LARGE1: variants seen among roughly 807,000 people sequenced by gnomAD.
The protein encoded by LARGE1 is xylosyl- and glucuronyltransferase LARGE1.
Under a neutral mutation model 87.6 loss-of-function variants are expected in LARGE1, and 43 were observed. The observed-to-expected ratio is 0.49, with a 90% CI of 0.38 to 0.63. LARGE1 has a LOEUF of 0.63. LARGE1 is among the 30% of genes least tolerant of loss of function. The pLI is 0.00. For synonymous variants in LARGE1, 434 were observed against 394.6 expected, an observed-to-expected ratio of 1.10 and a Z score of -1.18; for missense variants, 802 against 1,000.2, an observed-to-expected ratio of 0.80 and a Z score of 2.67.
chr22:33,841,091 AG>A (rs1196521889), intron 1 of LARGE1, among the ~76,000 whole-genome samples: 7 of 152,236 alleles, frequency 4.6e-5, no homozygotes, highest in Non-Finnish European at 1.5e-5. Flanking sequence ...AGCATGTTTA[AG>A]GCAGGCTAAG....
rs10590542 is a variant in LARGE1 at position 33,570,646 on chromosome 22, CAAAAAAAAAAAAA to C, written c.616-5640_616-5628del. Reference sequence around the variant, plus strand: ...CTGGCAATGGAGCGAGACTCCATTTCAAAAAAAAAAAAAAAAAAAAAAAATCACAAGCTGAAAT... The same window carrying C: ...CTGGCAATGGAGCGAGACTCCATTTCAAAAAAAAAAATCACAAGCTGAAAT... On this transcript the variant is annotated intron_variant, in intron 5 of 14. Coordinates refer to ENST00000397394, the MANE Select transcript of LARGE1 (RefSeq NM_133642.5). Among the ~76,000 whole-genome samples, 24 of 80,898 alleles carry C rather than the reference CAAAAAAAAAAAAA, an allele frequency of 3.0e-4. 2 individuals are homozygous for C. In the Admixed American group the frequency reaches 3.2e-3, roughly 11 times the overall value. The allele number at this position is 80,898 out of a possible 152,430, so 53.1% of individuals were successfully genotyped here. A position where few individuals can be genotyped will look rare whatever the true frequency, so the allele number is the denominator to read the frequency against.
chr22:33,816,025 A>G (rs187385149), intron 1 of LARGE1, among the ~76,000 whole-genome samples: 264 of 152,266 alleles, frequency 1.7e-3, no homozygotes, highest in Non-Finnish European at 2.0e-3. Flanking sequence ...TTCGCATTCA[A>G]TGTTGTCATT....
At chr22:33,832,980 C>T (rs1315707376) in intron 1 of LARGE1, among the ~76,000 whole-genome samples, 1 of 152,196 alleles carries the variant, frequency 6.6e-6, no homozygotes, top group East Asian at 1.9e-4. Context: ...TAAACACAGG[C>T]CACAGTGATT....
intron 6 of LARGE1, among the ~76,000 whole-genome samples, chr22:33,486,974 T>C (rs2069613343): frequency 6.6e-6 from 1 of 152,226 alleles, no homozygotes; most frequent in Admixed American, 6.5e-5. Context: ...CTGTGACTTT[T>C]ATCAAAAGGC....
intron 1 of LARGE1, among the ~76,000 whole-genome samples, chr22:33,827,036 A>C (rs977698119): frequency 1.3e-5 from 2 of 151,974 alleles, no homozygotes; most frequent in Non-Finnish European, 2.9e-5. Flanking sequence ...AACAAAAGCT[A>C]CTTTTATCAA....
chr22:33,872,901 G>A (rs973096438), intron 1 of LARGE1, among the ~76,000 whole-genome samples: 57 of 152,140 alleles, frequency 3.7e-4, no homozygotes, highest in Admixed American at 1.0e-3. Context: ...TCGGGAGGCT[G>A]AGGCAGGAGA....
chr22:33,090,864 A>T, the LARGE1 span, among the ~76,000 whole-genome samples: 1 of 152,154 alleles, frequency 6.6e-6, no homozygotes, highest in African/African-American at 2.4e-5. Context: ...TTGGTACCAT[A>T]TAGTCAATTT....
the LARGE1 span, among the ~76,000 whole-genome samples, chr22:33,101,957 T>G: frequency 1.3e-5 from 2 of 152,220 alleles, no homozygotes; most frequent in Non-Finnish European, 2.9e-5. Context: ...GTTTTATTCC[T>G]TTCAATTTCC....
intron 2 of LARGE1, among the ~76,000 whole-genome samples, chr22:33,718,373 C>A (rs866150566): frequency 3.3e-5 from 5 of 152,216 alleles, no homozygotes; most frequent in Non-Finnish European, 5.9e-5. Flanking sequence ...ATGAGAGGAA[C>A]TAGATTGGAC....
At chr22:33,779,391 G>A (rs978932297) in intron 1 of LARGE1, among the ~76,000 whole-genome samples, 16 of 144,916 alleles carry the variant, frequency 1.1e-4, no homozygotes, top group Non-Finnish European at 1.4e-4. Flanking sequence ...ACACACAATA[G>A]TACAGAGTGG....
chr22:33,571,396 G>A (rs1213499216), intron 5 of LARGE1, among the ~76,000 whole-genome samples: 4 of 152,212 alleles, frequency 2.6e-5, no homozygotes, highest in African/African-American at 7.2e-5. Flanking sequence ...CAGATTAGCA[G>A]TATGAGCATG....
At position 33,706,738 on chromosome 22, in the gene LARGE1, G is replaced by A. The variant is rs906458347; in HGVS notation, c.106+54633C>T. 5.9e-5 allele frequency among the ~76,000 whole-genome samples: 9 copies of A among 152,266 alleles called. 2 individuals are homozygous for A. Among genetic ancestry groups the A allele is most frequent in the Admixed American group, 6.5e-5 (1 of 15,294 alleles). On this transcript the variant is annotated intron_variant, in intron 2 of 14. Transcript: ENST00000397394. ...ACCTACCTTCTTAGAAGTTCTTTTC[G>A]TCAAAAGACAGAGACACATAAATCC...
chr22:33,571,002 C>T (rs745777403), intron 5 of LARGE1, among the ~76,000 whole-genome samples: 7 of 152,140 alleles, frequency 4.6e-5, no homozygotes, highest in Non-Finnish European at 1.0e-4. Flanking sequence ...TAATATCCCA[C>T]CATGTTGTTC....
downstream of LARGE1, among the ~76,000 whole-genome samples, chr22:33,161,551 T>A (rs1922024265): frequency 6.6e-6 from 1 of 152,190 alleles, no homozygotes; most frequent in African/African-American, 2.4e-5. Flanking sequence ...GGTAAATACA[T>A]CTGCTCCAAA....
At chr22:33,187,455 A>G (rs1923534725) in intron 11 of LARGE1, among the ~76,000 whole-genome samples, 1 of 152,164 alleles carries the variant, frequency 6.6e-6, no homozygotes, top group African/African-American at 2.4e-5. Flanking sequence ...ATAGAAGCAG[A>G]GAGTAGAATT....
intron 11 of LARGE1, among the ~76,000 whole-genome samples, chr22:33,263,355 T>C (rs1299625297): frequency 2.0e-5 from 3 of 152,248 alleles, no homozygotes; most frequent in Admixed American, 6.5e-5. Context: ...CATGTGATTA[T>C]GCTGTGTTAT....
At chr22:33,307,134 A>G (rs79944665) in intron 11 of LARGE1, among the ~76,000 whole-genome samples, 3,809 of 152,248 alleles carry the variant, frequency 0.025, 147 homozygotes, top group African/African-American at 0.088. Context: ...GTAATATTTA[A>G]AGTGTGATCA....
At chr22:33,677,878 C>T (rs2081629798) in intron 2 of LARGE1, among the ~76,000 whole-genome samples, 2 of 152,160 alleles carry the variant, frequency 1.3e-5, no homozygotes, top group South Asian at 4.1e-4. Flanking sequence ...CCAGTTATGG[C>T]CAAAGATGGA....
intron 6 of LARGE1, among the ~76,000 whole-genome samples, chr22:33,529,306 C>T (rs948270479): frequency 2.6e-5 from 4 of 152,120 alleles, no homozygotes; most frequent in African/African-American, 4.8e-5. Context: ...GCTCATGTGT[C>T]CCTCAGGTTG....
Sources: allele counts gnomAD v4.1 joint callset (sites outside exome capture counted in the v4.1 genomes callset), GRCh38; gene constraint gnomAD v4.1.1; transcripts MANE v1.5; gene names NCBI Gene and HGNC (gene_info 2026-07-23, HGNC 2026-07-21).